The following BICD1 variants were observed in gnomAD, a reference collection of about 807,000 sequenced individuals.
The protein encoded by BICD1 is protein bicaudal D homolog 1.
In BICD1, 35 loss-of-function variants were observed where a neutral mutation model predicts 92.5. The ratio of observed to expected loss-of-function variants is 0.38; its 90% CI spans 0.29 to 0.50. BICD1 has a LOEUF of 0.50. Ranked by LOEUF, BICD1 falls within the 20% of genes least tolerant of loss-of-function variation. The pLI is 0.93. For synonymous variants in BICD1, 429 were observed against 465.1 expected, an observed-to-expected ratio of 0.92 and a Z score of 1.00; for missense variants, 950 against 1,189.8, an observed-to-expected ratio of 0.80 and a Z score of 2.97.
At chr12:32,317,168 C>T (rs1248367340) in intron 4 of BICD1, among the ~76,000 whole-genome samples, 27 of 152,210 alleles carry the variant, frequency 1.8e-4, no homozygotes, top group African/African-American at 4.8e-4. Flanking sequence ...AATAAACATA[C>T]GTGTGCATGT....
intron 1 of BICD1, among the ~76,000 whole-genome samples, chr12:32,183,979 C>A (rs141373416): frequency 6.6e-6 from 1 of 152,176 alleles, no homozygotes. Flanking sequence ...CTGGACCACC[C>A]TGTATGTAAA....
intron 8 of BICD1, among the ~76,000 whole-genome samples, chr12:32,363,512 A>G (rs1939412085): frequency 6.6e-6 from 1 of 152,220 alleles, no homozygotes; most frequent in African/African-American, 2.4e-5. Context: ...TAATTTTATG[A>G]TAAAATGTCT....
chr12:32,117,789 T>C (rs886303888), intron 1 of BICD1, among the ~76,000 whole-genome samples: 11 of 147,828 alleles, frequency 7.4e-5, no homozygotes, highest in African/African-American at 2.7e-4. Context: ...TCGCTCTCGT[T>C]GTCCAGGCTG....
intron 9 of BICD1, among the ~76,000 whole-genome samples, chr12:32,376,225 A>T (rs1031187224): frequency 6.6e-6 from 1 of 151,900 alleles, no homozygotes; most frequent in African/African-American, 2.4e-5. Flanking sequence ...CTGGGACTAC[A>T]GGCACACGCC....
chr12:32,122,345 C>T (rs1032148690), intron 1 of BICD1, among the ~76,000 whole-genome samples: 7 of 151,856 alleles, frequency 4.6e-5, no homozygotes, highest in Admixed American at 2.0e-4. Flanking sequence ...AAAAATTAGC[C>T]GGGCTTGGTG....
chr12:32,376,374 A>G (rs1215595825), intron 9 of BICD1, among the ~76,000 whole-genome samples: 1 of 151,822 alleles, frequency 6.6e-6, no homozygotes, highest in African/African-American at 2.4e-5. Flanking sequence ...GGTGTGAGCC[A>G]CCGCGCCCGG....
At chr12:32,173,565 GA>G (rs1466530901) in intron 1 of BICD1, among the ~76,000 whole-genome samples, 1 of 151,962 alleles carries the variant, frequency 6.6e-6, no homozygotes, top group Non-Finnish European at 1.5e-5. Context: ...GAAAGAAAAC[GA>G]AAAAATAATG....
At chr12:32,374,451 A>G (rs934830938) in intron 9 of BICD1, among the ~76,000 whole-genome samples, 2 of 151,734 alleles carry the variant, frequency 1.3e-5, no homozygotes, top group African/African-American at 4.8e-5. Flanking sequence ...TGTTAGGTCG[A>G]TGGGAAAGTC....
intron 1 of BICD1, among the ~76,000 whole-genome samples, chr12:32,147,065 C>T (rs577285908): frequency 1.3e-5 from 2 of 151,840 alleles, no homozygotes; most frequent in Non-Finnish European, 2.9e-5. Context: ...CTTAGCCTCC[C>T]GAGGAGCTAA....
intron 1 of BICD1, among the ~76,000 whole-genome samples, chr12:32,122,392 G>T (rs1019939893): frequency 2.0e-5 from 3 of 151,932 alleles, no homozygotes; most frequent in African/African-American, 7.3e-5. Flanking sequence ...AGGAGGCTGA[G>T]GCAGGAGAAT....
At chr12:32,297,346 G>A (rs1215465066) in intron 3 of BICD1, among the ~76,000 whole-genome samples, 1 of 152,070 alleles carries the variant, frequency 6.6e-6, no homozygotes, top group East Asian at 1.9e-4. Context: ...ACAGGCGTGT[G>A]CCACCATGTC....
At chr12:32,229,562 G>A (rs1409006085) in intron 2 of BICD1, among the ~76,000 whole-genome samples, 1 of 152,184 alleles carries the variant, frequency 6.6e-6, no homozygotes, top group African/African-American at 2.4e-5. Flanking sequence ...GACATATATT[G>A]ACCATTGGGT....
chr12:32,188,009 GC>G (rs1944467959), intron 1 of BICD1, among the ~76,000 whole-genome samples: 1 of 151,956 alleles, frequency 6.6e-6, no homozygotes. Context: ...CACGATCTCG[GC>G]TCACTGCAAC....
chr12:32,321,412 C>T (rs565931346), intron 4 of BICD1, among the ~76,000 whole-genome samples: 1 of 152,184 alleles, frequency 6.6e-6, no homozygotes, highest in Admixed American at 6.5e-5. Context: ...TCATAGTAAA[C>T]ATATGTTGTA....
chr12:32,265,091 G>C (rs1946954352), intron 2 of BICD1, among the ~76,000 whole-genome samples: 1 of 151,850 alleles, frequency 6.6e-6, no homozygotes, highest in African/African-American at 2.4e-5. Context: ...ACCTCCACGA[G>C]GCCTCTGGGG....
intron 8 of BICD1, chr12:32,340,441 G>T (rs117456971): frequency 2.0e-6 from 2 of 985,358 alleles, no homozygotes; most frequent in East Asian, 2.3e-4. Flanking sequence ...ACCTAACTCG[G>T]ATAAAACCCA....
chr12:32,282,708 C>T (rs1450502833), intron 2 of BICD1, among the ~76,000 whole-genome samples: 3 of 151,956 alleles, frequency 2.0e-5, no homozygotes, highest in Non-Finnish European at 2.9e-5. Flanking sequence ...TGAGCAGAGA[C>T]GAGGGGACTG....
At chr12:32,225,621 G>GTTTTGTTTTTTTTTT (rs1555150864) in intron 2 of BICD1, among the ~76,000 whole-genome samples, 2 of 92,776 alleles carry the variant, frequency 2.2e-5, no homozygotes, top group African/African-American at 7.3e-5. Flanking sequence ...CTTTTTTTCT[G>GTTTTGTTTTTTTTTT]TTTTTTTTTT....
Position 32,306,214 on chromosome 12 carries a change from G to T in BICD1, c.1005+92G>T, listed in dbSNP as rs914235724. On this transcript the variant is annotated intron_variant, in intron 4 of 9. Transcript: ENST00000652176. ...TTCTGATTCTCGCATTTCACTTCTA[G>T]ATTTCTTTTCTTTTTTCTTTTCTTC... 8 of 1,244,576 alleles carry T rather than the reference G, an allele frequency of 6.4e-6. No individual in the cohort carries two copies. In the African/African-American group the frequency reaches 1.2e-4, roughly 19 times the overall value. 77.1% of individuals were successfully genotyped at this position (1,244,576 alleles called of 1,614,324 possible). A position where few individuals can be genotyped will look rare whatever the true frequency, so the allele number is the denominator to read the frequency against.
Sources: gnomAD v4.1 joint callset for allele counts (sites outside exome capture counted in the v4.1 genomes callset) on GRCh38, gnomAD v4.1.1 for gene constraint, MANE v1.5 for transcripts, NCBI Gene and HGNC (gene_info 2026-07-23, HGNC 2026-07-21) for gene names.